The following PCYT1B variants were observed in gnomAD, a reference collection of about 807,000 sequenced individuals.
The protein encoded by PCYT1B is choline-phosphate cytidylyltransferase B.
PCYT1B carries 10 observed loss-of-function variants against 26.4 expected under a neutral mutation model. That is an observed-to-expected ratio of 0.38 (90% CI 0.23 to 0.64). The LOEUF is 0.64. PCYT1B is among the 30% of genes least tolerant of loss of function. PCYT1B has a pLI of 0.56. For synonymous variants in PCYT1B, 131 were observed against 108.4 expected (o/e 1.21, Z -1.29); for missense variants, 161 against 292.7 (o/e 0.55, Z 3.28).
chrX:24,569,685 G>T (rs1482858353), intron 7 of PCYT1B, among the ~76,000 whole-genome samples: 1 of 112,067 alleles, frequency 8.9e-6, no homozygotes, highest in Non-Finnish European at 1.9e-5. Flanking sequence ...CCACTCATAT[G>T]AGGTTCATAG....
chrX:24,670,105 AAAGAAAGAAAGGAAGG>A lies in PCYT1B; in HGVS notation c.63+2449_63+2464del, dbSNP rs1388107267. 2.3e-3 allele frequency among the ~76,000 whole-genome samples: 55 copies of A among 24,283 alleles called. 1 individual carries two copies. The highest frequency in any genetic ancestry group is 6.5e-3 in the African/African-American group (54 of 8,371). 21.1% of individuals were successfully genotyped at this position (24,283 alleles called of 115,157 possible). On this transcript the variant is annotated intron_variant, in intron 1 of 7. Coordinates refer to the PCYT1B transcript ENST00000379145. Reference sequence around the variant, plus strand: ...GAAAGAAAGAAAGAAAGAAAGAAAGAAAGAAAGAAAGGAAGGAAGGAAGGAAGGAAGGAAGGAAGGA... The same window carrying A: ...GAAAGAAAGAAAGAAAGAAAGAAAGAAAGGAAGGAAGGAAGGAAGGAAGGA...
At chrX:24,623,172 T>C (rs912292002) in intron 1 of PCYT1B, among the ~76,000 whole-genome samples, 1 of 109,917 alleles carries the variant, frequency 9.1e-6, no homozygotes, top group African/African-American at 3.3e-5. Context: ...GGAGAAGGTA[T>C]TCGTTTGAAA....
At chrX:24,615,228 T>C (rs1302482509) in intron 2 of PCYT1B, among the ~76,000 whole-genome samples, 1 of 111,768 alleles carries the variant, frequency 8.9e-6, no homozygotes, top group Admixed American at 9.6e-5. Flanking sequence ...TCACCTCAGG[T>C]TAGTGGGCAG....
At chrX:24,587,120 A>G (rs748540128) in intron 5 of PCYT1B, 121 bp downstream of exon 5, 6 of 482,914 alleles carry the variant, frequency 1.2e-5, no homozygotes. Context: ...CGCCTGGGGG[A>G]CACCTAAAGT....
upstream of PCYT1B, among the ~76,000 whole-genome samples, chrX:24,652,272 TGAC>T (rs1926799166): frequency 8.9e-6 from 1 of 112,681 alleles, no homozygotes; most frequent in Non-Finnish European, 1.9e-5. Context: ...TTAAAAGTAA[TGAC>T]AGGCCATGCG....
Position 24,657,857 on chromosome X carries a change from T to C in PCYT1B, c.63+14713A>G, listed in dbSNP as rs1436401293. On this transcript the variant is annotated intron_variant, in intron 1 of 7. Transcript: ENST00000379145. The stretch of plus-strand genomic sequence containing the variant: ...CCTTCTAGGATGAATTTTCTTAAAG[T>C]AGAATTGCTGAGTCAGAGTATTTAT... Among the ~76,000 whole-genome samples, 3 of 112,248 alleles carry C rather than the reference T, an allele frequency of 2.7e-5. No homozygotes were observed. The East Asian group carries it at 8.4e-4, about 31-fold the overall frequency.
In PCYT1B at chrX:24,637,509, T is replaced by A. The variant is rs6628027; in HGVS notation, c.117+9480A>T. Among the ~76,000 whole-genome samples, 593 of 63,407 alleles carry A rather than the reference T, an allele frequency of 9.4e-3. 16 individuals carry two copies. The highest frequency in any genetic ancestry group is 0.032 in the African/African-American group (319 of 10,004). The allele number at this position is 63,407 out of a possible 115,157, so 55.1% of individuals were successfully genotyped here. A position where few individuals can be genotyped will look rare whatever the true frequency, so the allele number is the denominator to read the frequency against. On this transcript the variant is annotated intron_variant, in intron 1 of 7. Coordinates refer to ENST00000379144, the MANE Select transcript of PCYT1B (RefSeq NM_004845.5). Reference sequence around the variant, plus strand: ...AAAAAAAAATATATATATATATATATATAAATTAGCTGAGCGTGGTGGCGT... The same window carrying A: ...AAAAAAAAATATATATATATATATAAATAAATTAGCTGAGCGTGGTGGCGT...
intron 7 of PCYT1B, among the ~76,000 whole-genome samples, chrX:24,563,101 C>G (rs1923491115): frequency 9.0e-6 from 1 of 111,325 alleles, no homozygotes; most frequent in African/African-American, 3.3e-5. Flanking sequence ...GTGTCTCTGA[C>G]TAGCCAGGCA....
At chrX:24,577,153 T>C (rs753191778) in intron 6 of PCYT1B, among the ~76,000 whole-genome samples, 1 of 110,936 alleles carries the variant, frequency 9.0e-6, no homozygotes, top group Non-Finnish European at 1.9e-5. Flanking sequence ...GTTCCTCATC[T>C]CTAAATTGAG....
chrX:24,604,809 C>T (rs1203148063), intron 3 of PCYT1B, among the ~76,000 whole-genome samples: 1 of 111,751 alleles, frequency 8.9e-6, no homozygotes, highest in Non-Finnish European at 1.9e-5. Flanking sequence ...TTCCTGTACT[C>T]CAGTCCTTGT....
chrX:24,624,222 G>T (rs1406272623), intron 1 of PCYT1B, among the ~76,000 whole-genome samples: 3 of 111,147 alleles, frequency 2.7e-5, no homozygotes, highest in African/African-American at 6.5e-5. Context: ...GCCCGCCTTG[G>T]CCTCCCAAAG....
At chrX:24,647,824 T>C (rs924617388), upstream of PCYT1B, among the ~76,000 whole-genome samples, 36 of 112,634 alleles carry the variant, frequency 3.2e-4, no homozygotes, top group African/African-American at 1.1e-3. Flanking sequence ...ACGTGAACCC[T>C]GGCAGATCCC....
At chrX:24,650,786 G>T (rs777625166), upstream of PCYT1B, among the ~76,000 whole-genome samples, 3 of 111,918 alleles carry the variant, frequency 2.7e-5, no homozygotes, top group Non-Finnish European at 5.6e-5. Context: ...TATCCCAAAA[G>T]AAATAGAGAA....
At chrX:24,572,949 CAT>C (rs1923882728) in intron 7 of PCYT1B, among the ~76,000 whole-genome samples, 4 of 106,200 alleles carry the variant, frequency 3.8e-5, no homozygotes, top group Admixed American at 1.0e-4. Context: ...CACACACACA[CAT>C]ATACACACAT....
At chrX:24,576,471 T>C (rs1924016834) in intron 6 of PCYT1B, among the ~76,000 whole-genome samples, 1 of 110,584 alleles carries the variant, frequency 9.0e-6, no homozygotes, top group South Asian at 3.9e-4. Flanking sequence ...ATCCGGCTAA[T>C]TTTTTGTATT....
intron 7 of PCYT1B, among the ~76,000 whole-genome samples, chrX:24,570,346 C>T (rs1322523006): frequency 1.8e-5 from 2 of 108,179 alleles, no homozygotes; most frequent in East Asian, 2.9e-4. Flanking sequence ...CTCCGCCTCC[C>T]GGGTTCAAGT....
At chrX:24,629,652 T>C (rs996662733) in intron 1 of PCYT1B, among the ~76,000 whole-genome samples, 5 of 98,666 alleles carry the variant, frequency 5.1e-5, no homozygotes, top group Non-Finnish European at 1.0e-4. Context: ...TTTAAACCAG[T>C]AAACCAGTGC....
At chrX:24,616,421 T>A (rs1252095323) in intron 2 of PCYT1B, among the ~76,000 whole-genome samples, 4 of 109,945 alleles carry the variant, frequency 3.6e-5, no homozygotes, top group Non-Finnish European at 7.6e-5. Context: ...GTATTTTTAG[T>A]AGAGACAAGG....
intron 1 of PCYT1B, chrX:24,658,158 A>C (rs1602212972): frequency 8.9e-6 from 1 of 112,140 alleles, no homozygotes; most frequent in East Asian, 2.8e-4. Flanking sequence ...ATCTGACGCC[A>C]GGAGGGATAC....
Sources: allele counts gnomAD v4.1 joint callset (sites outside exome capture counted in the v4.1 genomes callset), GRCh38; gene constraint gnomAD v4.1.1; transcripts MANE v1.5; gene names NCBI Gene and HGNC (gene_info 2026-07-23, HGNC 2026-07-21).